REC114: variants seen among roughly 807,000 people sequenced by gnomAD.
REC114 encodes meiotic recombination protein REC114.
Under a neutral mutation model 31.3 loss-of-function variants are expected in REC114, and 27 were observed. The observed-to-expected ratio is 0.86, with a 90% CI of 0.64 to 1.19. REC114 has a LOEUF of 1.19. Among genes scored for constraint, REC114 ranks in the 50% most tolerant of loss-of-function variants. REC114 has a pLI of 0.00. For synonymous variants in REC114, 134 were observed against 127.7 expected, an observed-to-expected ratio of 1.05 and a Z score of -0.33; for missense variants, 344 against 326.9, an observed-to-expected ratio of 1.05 and a Z score of -0.40.
At position 73,543,076 on chromosome 15, in the gene REC114, A is replaced by C. The variant is rs368786289; in HGVS notation, c.333+2508A>C. Among the ~76,000 whole-genome samples the C allele has an allele frequency of 8.5e-5, 13 of 152,132 alleles. No individual in the cohort carries two copies. The South Asian group carries it at 2.3e-3, about 27-fold the overall frequency. On this transcript the variant is annotated intron_variant, in intron 3 of 5. Coordinates refer to ENST00000331090, the MANE Select transcript of REC114 (RefSeq NM_001042367.2). ...GTGGTGATACAATTTAAATTCAAAA[A>C]CTAGTTTCTAATTTGACAGGCAGAA... is the stretch of plus-strand genomic sequence containing the variant.
chr15:73,471,630 A>T (rs1365308273), intron 1 of REC114, among the ~76,000 whole-genome samples: 1 of 152,090 alleles, frequency 6.6e-6, no homozygotes, highest in Non-Finnish European at 1.5e-5. Flanking sequence ...CTCTCCTGGA[A>T]GTTGTTGGCT....
chr15:73,463,691 C>T (rs1893019606), intron 1 of REC114, among the ~76,000 whole-genome samples: 1 of 152,022 alleles, frequency 6.6e-6, no homozygotes, highest in African/African-American at 2.4e-5. Context: ...TATGGTGGCG[C>T]ATGCCTGTAG....
chr15:73,535,828 A>T (rs1894147847), intron 2 of REC114, among the ~76,000 whole-genome samples: 1 of 151,866 alleles, frequency 6.6e-6, no homozygotes, highest in African/African-American at 2.4e-5. Context: ...CAAAACAGAG[A>T]TATAGATCAA....
At chr15:73,559,334 ATAG>A (rs1385314682) in intron 5 of REC114, among the ~76,000 whole-genome samples, 1 of 152,226 alleles carries the variant, frequency 6.6e-6, no homozygotes, top group African/African-American at 2.4e-5. Flanking sequence ...CAGCTAGCAC[ATAG>A]TAGGCTGCTC....
intron 1 of REC114, among the ~76,000 whole-genome samples, chr15:73,445,030 T>A (rs1389122379): frequency 6.6e-6 from 1 of 152,220 alleles, no homozygotes; most frequent in East Asian, 1.9e-4. Context: ...GCTTAAAATA[T>A]TCAGTAAACC....
At chr15:73,448,095 G>T (rs898564330) in intron 1 of REC114, among the ~76,000 whole-genome samples, 283 of 148,786 alleles carry the variant, frequency 1.9e-3, no homozygotes, top group African/African-American at 7.0e-3. Flanking sequence ...GCAGGAGTTT[G>T]TTTGTTTTTT....
intron 1 of REC114, among the ~76,000 whole-genome samples, chr15:73,459,023 C>T (rs1171024127): frequency 6.6e-6 from 1 of 152,134 alleles, no homozygotes; most frequent in Non-Finnish European, 1.5e-5. Flanking sequence ...ACAAAAACAA[C>T]TACTTAATGA....
At chr15:73,501,021 C>T (rs1173597670) in intron 2 of REC114, among the ~76,000 whole-genome samples, 1 of 152,044 alleles carries the variant, frequency 6.6e-6, no homozygotes, top group African/African-American at 2.4e-5. Flanking sequence ...TGGGACATGG[C>T]TCAAAGGCCT....
intron 2 of REC114, among the ~76,000 whole-genome samples, chr15:73,501,251 T>C (rs1893600655): frequency 1.3e-5 from 2 of 152,230 alleles, no homozygotes; most frequent in Admixed American, 1.3e-4. Flanking sequence ...AACTAAAGTT[T>C]AAAAGAAACA....
chr15:73,546,639 A>G (rs753048840), intron 3 of REC114, among the ~76,000 whole-genome samples: 66 of 152,264 alleles, frequency 4.3e-4, no homozygotes, highest in Admixed American at 3.2e-3. Context: ...CAGTGAACTC[A>G]TTTTTGATAA....
chr15:73,508,899 A>C (rs1893722424), intron 2 of REC114, among the ~76,000 whole-genome samples: 1 of 151,228 alleles, frequency 6.6e-6, no homozygotes, highest in Admixed American at 6.6e-5. Flanking sequence ...ATGCCGCAAT[A>C]AACATACGTG....
chr15:73,473,787 GAAATGTA>G (rs1468269570), intron 1 of REC114, 38 bp from the exon 2 acceptor site: 1 of 1,103,978 alleles, frequency 9.1e-7, no homozygotes, highest in African/African-American at 1.6e-5. Context: ...ATCAGTTATA[GAAATGTA>G]TTATCTTTTA....
At chr15:73,453,487 G>C (rs1210151522) in intron 1 of REC114, among the ~76,000 whole-genome samples, 2 of 152,296 alleles carry the variant, frequency 1.3e-5, no homozygotes, top group South Asian at 4.2e-4. Context: ...TGGAGAGGAT[G>C]TGGAGAAATA....
intron 1 of REC114, among the ~76,000 whole-genome samples, chr15:73,445,632 G>A (rs1434945051): frequency 6.6e-6 from 1 of 152,142 alleles, no homozygotes. Flanking sequence ...GGCCATTGTA[G>A]GGTTATTAGT....
chr15:73,464,079 C>G (rs977512604), intron 1 of REC114, among the ~76,000 whole-genome samples: 9 of 151,666 alleles, frequency 5.9e-5, no homozygotes, highest in African/African-American at 1.9e-4. Flanking sequence ...CTTTTTTTCT[C>G]CCTCTACTTT....
intron 2 of REC114, among the ~76,000 whole-genome samples, chr15:73,505,960 G>A (rs576870231): frequency 6.6e-6 from 1 of 152,236 alleles, no homozygotes; most frequent in Admixed American, 6.5e-5. Flanking sequence ...TACTAATGGA[G>A]CGGTTGAAGA....
At chr15:73,459,026 C>T (rs922125914) in intron 1 of REC114, among the ~76,000 whole-genome samples, 4 of 152,166 alleles carry the variant, frequency 2.6e-5, no homozygotes, top group African/African-American at 9.7e-5. Context: ...AAAACAACTA[C>T]TTAATGAGTA....
intron 4 of REC114, among the ~76,000 whole-genome samples, 200 bp from the exon 5 acceptor site, chr15:73,556,102 T>C (rs1226512094): frequency 6.6e-6 from 1 of 152,196 alleles, no homozygotes; most frequent in Non-Finnish European, 1.5e-5. Context: ...GAGCCGCAAA[T>C]TTAAACTCAG....
chr15:73,459,124 C>A (rs16957918), intron 1 of REC114, among the ~76,000 whole-genome samples: 7,045 of 152,276 alleles, frequency 0.046, 269 homozygotes, highest in African/African-American at 0.11. Flanking sequence ...TTCTGCTAAG[C>A]ATCTGATCTC....
Sources: allele counts gnomAD v4.1 joint callset (sites outside exome capture counted in the v4.1 genomes callset), GRCh38; gene constraint gnomAD v4.1.1; transcripts MANE v1.5; gene names NCBI Gene and HGNC (gene_info 2026-07-23, HGNC 2026-07-21).